ZDHHC13: variants seen among roughly 807,000 people sequenced by gnomAD.
ZDHHC13 encodes zDHHC palmitoyltransferase 13, also known as palmitoyltransferase ZDHHC13.
Under a neutral mutation model 86.0 loss-of-function variants are expected in ZDHHC13, and 85 were observed. The observed-to-expected ratio is 0.99, with a 90% CI of 0.83 to 1.18. The LOEUF (loss-of-function observed/expected upper bound fraction) is 1.18. Among genes scored for constraint, ZDHHC13 ranks in the 50% most tolerant of loss-of-function variants. The pLI is 0.00. For synonymous variants in ZDHHC13, 263 were observed against 246.4 expected (o/e 1.07, Z -0.63); for missense variants, 711 against 730.2 (o/e 0.97, Z 0.30).
rs776808225 is a variant in ZDHHC13, at chr11:19,164,280, G to T, written c.1234-21G>T. The T allele has an allele frequency of 3.7e-6, 6 of 1,611,968 alleles. No individual in the cohort carries two copies. The East Asian group carries it at 1.1e-4, about 30-fold the overall frequency. On this transcript the variant is annotated intron_variant, in intron 11 of 16. Coordinates refer to ENST00000446113, the MANE Select transcript of ZDHHC13 (RefSeq NM_019028.3). ...ATTTTCCAATAAAATGTGGTAATAG[G>T]TCAAACTTCATGTCTTTCAGAATAT...
At position 19,152,715 on chromosome 11, in the gene ZDHHC13, TA is replaced by T. The variant is rs747441370; in HGVS notation, c.873+32del. The stretch of plus-strand genomic sequence containing the variant: ...TTCATATGGGGTCTTTTCTATGGGA[TA>T]GATGACTTTTTTTGTTCATTTGGTT... On this transcript the variant is annotated intron_variant, in intron 8 of 16. Transcript: ENST00000446113. The T allele has an allele frequency of 1.2e-5, 20 of 1,611,452 alleles. No homozygotes were observed. The South Asian group carries it at 2.0e-4, about 16-fold the overall frequency.
intron 1 of ZDHHC13, among the ~76,000 whole-genome samples, chr11:19,135,490 C>T (rs1849112312): frequency 6.6e-6 from 1 of 152,212 alleles, no homozygotes; most frequent in African/African-American, 2.4e-5. Flanking sequence ...GGCAGCGAGG[C>T]TGGGGAGGGG....
chr11:19,139,910 C>G (rs1276212430), intron 1 of ZDHHC13, among the ~76,000 whole-genome samples: 1 of 136,486 alleles, frequency 7.3e-6, no homozygotes, highest in South Asian at 2.6e-4. Flanking sequence ...ATACAAAAAT[C>G]AATTCAAGAT....
At chr11:19,138,925 G>A (rs1432001342) in intron 1 of ZDHHC13, among the ~76,000 whole-genome samples, 1 of 151,086 alleles carries the variant, frequency 6.6e-6, no homozygotes, top group African/African-American at 2.4e-5. Context: ...AAAATAATAA[G>A]AGCTATCTAT....
chr11:19,167,068 T>G (rs1850092147), intron 14 of ZDHHC13: 2 of 152,264 alleles, frequency 1.3e-5, no homozygotes, highest in Non-Finnish European at 2.9e-5. Flanking sequence ...ATTGCATTAT[T>G]ATGTTTTTCA....
At chr11:19,129,909 G>A (rs1324170164) in intron 1 of ZDHHC13, among the ~76,000 whole-genome samples, 2 of 152,042 alleles carry the variant, frequency 1.3e-5, no homozygotes, top group Admixed American at 6.6e-5. Context: ...TGGCTAACAC[G>A]GTGAAACCCT....
At chr11:19,142,635 G>C (rs976487302) in intron 1 of ZDHHC13, among the ~76,000 whole-genome samples, 4 of 152,046 alleles carry the variant, frequency 2.6e-5, no homozygotes, top group South Asian at 2.1e-4. Flanking sequence ...GATGACCTTT[G>C]TTTTATGAAC....
intron 8 of ZDHHC13, among the ~76,000 whole-genome samples, chr11:19,153,280 T>C (rs1849662401): frequency 6.6e-6 from 1 of 152,220 alleles, no homozygotes. Context: ...TGGAAAACTT[T>C]AGAAACTTCA....
chr11:19,148,953 CAAAAACA>C (rs1054734289), intron 4 of ZDHHC13: 32 of 348,892 alleles, frequency 9.2e-5, no homozygotes, highest in Admixed American at 5.6e-4. Flanking sequence ...GACTCCATCT[CAAAAACA>C]AAAAACAAAA....
intron 1 of ZDHHC13, among the ~76,000 whole-genome samples, chr11:19,137,210 G>C (rs1047210379): frequency 5.1e-4 from 78 of 152,052 alleles, no homozygotes; most frequent in African/African-American, 1.8e-3. Context: ...CAAAATAAAA[G>C]GATGGAGGAA....
At chr11:19,133,738 A>G (rs1023411346) in intron 1 of ZDHHC13, among the ~76,000 whole-genome samples, 1 of 151,842 alleles carries the variant, frequency 6.6e-6, no homozygotes, top group East Asian at 1.9e-4. Flanking sequence ...AACTATAAAG[A>G]AAAGCAAAAA....
In ZDHHC13 at chr11:19,146,166, T is replaced by C. The variant is rs1202171937; in HGVS notation, c.174-15T>C. The C allele has an allele frequency of 6.4e-7, 1 of 1,552,136 alleles. No homozygotes were observed. On this transcript the variant is annotated splice_polypyrimidine_tract_variant and intron_variant, in intron 2 of 16. Transcript: ENST00000446113. The stretch of plus-strand genomic sequence containing the variant: ...TTTAATTGTATCAATTATGCTTTTT[T>C]TTTTCTTCTTTGAGATACGGAATTT...
In ZDHHC13 at chr11:19,146,289, A is replaced by G; in HGVS notation, c.282A>G (p.Arg94=). Residue 94 remains arginine (R), a synonymous_variant, in exon 3 of 17, where the codon AGA becomes AGG. Transcript: ENST00000446113. ...SLLHWAAINN[R]LDLVKFYISK... is the part of the protein sequence containing the mutation. ...TTCATTGGGCTGCTATTAACAACAG[A>G]CTGGATCTTGTAAAGTAAGATGGGA... 1 of 1,612,246 alleles carries G rather than the reference A, an allele frequency of 6.2e-7. No individual in the cohort carries two copies. Among genetic ancestry groups the G allele is most frequent in the Non-Finnish European group, 8.5e-7 (1 of 1,179,350 alleles).
chr11:19,169,645 T>C (rs558905530), intron 14 of ZDHHC13: 119 of 985,374 alleles, frequency 1.2e-4, no homozygotes, highest in Middle Eastern at 5.2e-4. Context: ...GTAAAAGTCA[T>C]TGGATTTACA....
chr11:19,159,092 G>A (rs1464142005), intron 10 of ZDHHC13, 52 bp downstream of exon 10: 3 of 1,328,972 alleles, frequency 2.3e-6, no homozygotes, highest in Non-Finnish European at 3.1e-6. Context: ...CTTTAAAAGA[G>A]TAATGTTATT....
intron 1 of ZDHHC13, among the ~76,000 whole-genome samples, chr11:19,140,260 T>G (rs1481625354): frequency 6.6e-6 from 1 of 151,948 alleles, no homozygotes; most frequent in Non-Finnish European, 1.5e-5. Flanking sequence ...GCAAAGGACA[T>G]GAACAGACAC....
At chr11:19,139,282 A>G (rs1021507199) in intron 1 of ZDHHC13, among the ~76,000 whole-genome samples, 6 of 151,908 alleles carry the variant, frequency 3.9e-5, no homozygotes, top group African/African-American at 1.5e-4. Flanking sequence ...AGACAAACAG[A>G]GAGCCAAATT....
At chr11:19,127,393 G>A (rs1848900780) in intron 1 of ZDHHC13, among the ~76,000 whole-genome samples, 1 of 152,158 alleles carries the variant, frequency 6.6e-6, no homozygotes, top group African/African-American at 2.4e-5. Context: ...CTCCCATTTT[G>A]TAGGATGTCT....
At chr11:19,165,742 CT>C (rs1374570746) in intron 13 of ZDHHC13, among the ~76,000 whole-genome samples, 7 of 152,180 alleles carry the variant, frequency 4.6e-5, no homozygotes, top group African/African-American at 1.7e-4. Flanking sequence ...TGTGTTCCCC[CT>C]GATTAAGTCA....
Sources: gnomAD v4.1 joint callset for allele counts (sites outside exome capture counted in the v4.1 genomes callset) on GRCh38, gnomAD v4.1.1 for gene constraint, MANE v1.5 for transcripts, NCBI Gene and HGNC (gene_info 2026-07-23, HGNC 2026-07-21) for gene names.